The following VWA8 variants were observed in gnomAD, a reference collection of about 807,000 sequenced individuals.
VWA8 encodes the protein von Willebrand factor A domain containing 8, also known as von Willebrand factor A domain-containing protein 8.
A neutral mutation model predicts 241.5 loss-of-function variants in VWA8; 221 were observed. The ratio of observed to expected loss-of-function variants is 0.91; its 90% CI spans 0.82 to 1.02. VWA8 has a LOEUF of 1.02. Ranked by LOEUF, VWA8 falls within the 50% of genes least tolerant of loss-of-function variation. The pLI, the probability that VWA8 is intolerant of heterozygous loss-of-function variation, is 0.00. For synonymous variants in VWA8, 852 were observed against 827.1 expected, an observed-to-expected ratio of 1.03 and a Z score of -0.52; for missense variants, 2,322 against 2,328.7, an observed-to-expected ratio of 1.00 and a Z score of 0.06.
intron 15 of VWA8, among the ~76,000 whole-genome samples, chr13:41,818,270 T>A (rs1338726149): frequency 6.8e-6 from 1 of 146,570 alleles, no homozygotes; most frequent in Non-Finnish European, 1.5e-5. Context: ...GCCGAATTTT[T>A]AAAAAATTAA....
At chr13:41,910,630 G>GT in intron 3 of VWA8, among the ~76,000 whole-genome samples, 1 of 151,674 alleles carries the variant, frequency 6.6e-6, no homozygotes, top group East Asian at 1.9e-4. Flanking sequence ...CTCTAGATCT[G>GT]TAATTCTCAG....
chr13:41,817,885 C>T (rs1336428861), intron 15 of VWA8, among the ~76,000 whole-genome samples: 1 of 152,072 alleles, frequency 6.6e-6, no homozygotes, highest in Non-Finnish European at 1.5e-5. Context: ...TGATGATGAG[C>T]ATTGTATATA....
intron 42 of VWA8, among the ~76,000 whole-genome samples, chr13:41,576,626 A>T (rs575083749): frequency 2.6e-5 from 4 of 152,354 alleles, no homozygotes; most frequent in African/African-American, 9.6e-5. Flanking sequence ...GCTAGGGGTG[A>T]AGACCTAACA....
chr13:41,734,626 A>T (rs1302841541), intron 21 of VWA8, among the ~76,000 whole-genome samples: 1 of 152,188 alleles, frequency 6.6e-6, no homozygotes, highest in Non-Finnish European at 1.5e-5. Context: ...TCTCCTTCTA[A>T]CTTGAGCAAA....
At chr13:41,959,423 T>C (rs1057440740) in intron 1 of VWA8, among the ~76,000 whole-genome samples, 2 of 54,434 alleles carry the variant, frequency 3.7e-5, no homozygotes, top group African/African-American at 1.5e-4. Flanking sequence ...AAAAAACAAA[T>C]AAAGAACACA....
At chr13:41,747,808 G>A (rs2045621250) in intron 21 of VWA8, among the ~76,000 whole-genome samples, 1 of 152,208 alleles carries the variant, frequency 6.6e-6, no homozygotes, top group Non-Finnish European at 1.5e-5. Flanking sequence ...TTAGCATGAA[G>A]GGTTGTTGAA....
intron 17 of VWA8, among the ~76,000 whole-genome samples, chr13:41,791,736 CTG>C (rs1210506398): frequency 1.3e-5 from 2 of 151,778 alleles, no homozygotes; most frequent in Admixed American, 6.6e-5. Context: ...TTCATTTTGA[CTG>C]TTGTAAATTA....
At chr13:41,714,205 T>C (rs1593714418) in intron 26 of VWA8, among the ~76,000 whole-genome samples, 1 of 152,156 alleles carries the variant, frequency 6.6e-6, no homozygotes, top group East Asian at 1.9e-4. Context: ...TTAATTTCCT[T>C]AGTTTTTTTT....
intron 12 of VWA8, among the ~76,000 whole-genome samples, chr13:41,839,545 T>C (rs1871898345): frequency 6.6e-6 from 1 of 152,258 alleles, no homozygotes; most frequent in Non-Finnish European, 1.5e-5. Context: ...TTTGGTGTTT[T>C]AGTCATGAAG....
chr13:41,778,074 AG>A lies in VWA8; in HGVS notation c.2278-19del. On this transcript the variant is annotated intron_variant, in intron 19 of 44. Transcript: ENST00000379310. ...ATCACATGCTAGAGAAAAAGGAACT[AG>A]GGGTTAACTGTTTTGTACAATCAAG... 6.2e-7 allele frequency: 1 copy of A among 1,600,242 alleles called. No homozygotes were observed. Among genetic ancestry groups the A allele is most frequent in the South Asian group, 1.1e-5 (1 of 88,816 alleles).
chr13:41,826,892 A>G lies in VWA8; in HGVS notation c.1700+3637T>C, dbSNP rs866669959. Among the ~76,000 whole-genome samples, 3 of 152,118 alleles carry G rather than the reference A, an allele frequency of 2.0e-5. No individual in the cohort carries two copies. In the South Asian group the frequency reaches 6.2e-4, roughly 32 times the overall value. On this transcript the variant is annotated intron_variant, in intron 14 of 44. Transcript: ENST00000379310. ...CTATCTCAAAAAAAGATAAAAAAAGAAAAAAAGAAATTGATAGAAGATGGA... is the reference window on the plus strand; with the variant it reads ...CTATCTCAAAAAAAGATAAAAAAAGGAAAAAAGAAATTGATAGAAGATGGA...
intron 35 of VWA8, among the ~76,000 whole-genome samples, chr13:41,677,352 A>C (rs1231681403): frequency 6.6e-6 from 1 of 152,208 alleles, no homozygotes; most frequent in African/African-American, 2.4e-5. Context: ...ATCATCCTCA[A>C]AATCATTAGC....
chr13:41,941,137 C>T (rs1877577397), intron 2 of VWA8, among the ~76,000 whole-genome samples: 1 of 152,116 alleles, frequency 6.6e-6, no homozygotes, highest in Non-Finnish European at 1.5e-5. Flanking sequence ...TGTATTGCTC[C>T]TCAGTCATTT....
At chr13:41,807,827 C>CG (rs1163924504) in intron 17 of VWA8, 1 of 152,086 alleles carries the variant, frequency 6.6e-6, no homozygotes, top group African/African-American at 2.4e-5. Flanking sequence ...CTCCCAGGAG[C>CG]GGGGAACCAC....
chr13:41,578,121 T>C (rs2044361861), intron 42 of VWA8, among the ~76,000 whole-genome samples: 1 of 152,220 alleles, frequency 6.6e-6, no homozygotes, highest in Non-Finnish European at 1.5e-5. Context: ...AGGTGGACTG[T>C]ATGCTTCTTT....
Position 41,729,543 on chromosome 13 carries a change from T to G in VWA8, c.2637A>C (p.Ala879=). 6.2e-7 allele frequency: 1 copy of G among 1,610,222 alleles called. No individual in the cohort carries two copies. Among genetic ancestry groups the G allele is most frequent in the South Asian group, 1.1e-5 (1 of 89,966 alleles). The change falls in exon 23 of 45, where the codon GCA becomes GCC. Residue 879 remains alanine (A), a splice_region_variant and synonymous_variant. Coordinates refer to ENST00000379310, the MANE Select transcript of VWA8 (RefSeq NM_015058.2). ...MILADGRRIV[A]NSANVNGREN... ...AACATTGCTTTCTAAAATACTCACT[T>G]GCAACAATGCGTCTTCCATCTGCTA...
In VWA8 at chr13:41,817,368, A is replaced by G. The variant is rs182770401; in HGVS notation, c.1870-593T>C. On this transcript the variant is annotated intron_variant, in intron 15 of 44. Coordinates refer to ENST00000379310, the MANE Select transcript of VWA8 (RefSeq NM_015058.2). ...TAACACATATCGATTGCTTTTAACT[A>G]TAACAAACTTCAATTAAGTACTTAA... Among the ~76,000 whole-genome samples, 221 of 152,330 alleles carry G rather than the reference A, an allele frequency of 1.5e-3. 1 individual carries two copies. Among genetic ancestry groups the G allele is most frequent in the African/African-American group, 4.9e-3 (203 of 41,580 alleles).
chr13:41,937,088 C>T (rs1035207145), intron 2 of VWA8, among the ~76,000 whole-genome samples: 1 of 152,112 alleles, frequency 6.6e-6, no homozygotes, highest in Non-Finnish European at 1.5e-5. Context: ...CAGTAACATG[C>T]TGTATAGGTT....
chr13:41,739,111 G>T (rs1272319362), intron 21 of VWA8, among the ~76,000 whole-genome samples: 1 of 152,134 alleles, frequency 6.6e-6, no homozygotes, highest in Non-Finnish European at 1.5e-5. Flanking sequence ...GATTGGAGGA[G>T]TATCTGTGAA....
Sources: gnomAD v4.1 joint callset for allele counts (sites outside exome capture counted in the v4.1 genomes callset) on GRCh38, gnomAD v4.1.1 for gene constraint, MANE v1.5 for transcripts, NCBI Gene and HGNC (gene_info 2026-07-23, HGNC 2026-07-21) for gene names.